Variants in CA8 observed in about 807,000 individuals in gnomAD.
The protein encoded by CA8 is carbonic anhydrase-related protein.
Under a neutral mutation model 41.4 loss-of-function variants are expected in CA8, and 22 were observed. The ratio of observed to expected loss-of-function variants is 0.53; its 90% CI spans 0.38 to 0.76. The LOEUF is 0.76. Ranked by LOEUF, CA8 falls within the 30% of genes least tolerant of loss-of-function variation. The pLI, the probability that CA8 is intolerant of heterozygous loss-of-function variation, is 0.00. For missense variants in CA8, 270 were observed against 352.8 expected (o/e 0.77, Z 1.88); for synonymous variants, 121 against 130.6 (o/e 0.93, Z 0.50).
intron 7 of CA8, among the ~76,000 whole-genome samples, chr8:60,221,954 C>A (rs1165526085): frequency 1.3e-5 from 2 of 152,090 alleles, no homozygotes; most frequent in Non-Finnish European, 2.9e-5. Flanking sequence ...ATGGAAGAAA[C>A]AATATAGCTC....
At chr8:60,223,940 A>AGAAATACAAGTG (rs1263375539) in intron 6 of CA8, among the ~76,000 whole-genome samples, 1 of 152,270 alleles carries the variant, frequency 6.6e-6, no homozygotes, top group Non-Finnish European at 1.5e-5. Flanking sequence ...TTATCTGTAC[A>AGAAATACAAGTG]GAAATACAAG....
intron 8 of CA8, among the ~76,000 whole-genome samples, chr8:60,192,554 T>C (rs1806160241): frequency 6.6e-6 from 1 of 152,130 alleles, no homozygotes; most frequent in South Asian, 2.1e-4. Context: ...AAAGTTTTCA[T>C]AGGATAAAGT....
intron 3 of CA8, among the ~76,000 whole-genome samples, chr8:60,242,823 C>T (rs534451396): frequency 2.0e-5 from 3 of 152,174 alleles, no homozygotes; most frequent in South Asian, 2.1e-4. Flanking sequence ...GGTTCTCTGG[C>T]GACAGAAAGG....
intron 6 of CA8, among the ~76,000 whole-genome samples, chr8:60,223,439 C>T (rs1807318132): frequency 6.6e-6 from 1 of 152,128 alleles, no homozygotes; most frequent in Non-Finnish European, 1.5e-5. Flanking sequence ...ACTATGGGTG[C>T]ACACCACCAC....
At chr8:60,272,122 G>A (rs887157777) in intron 2 of CA8, among the ~76,000 whole-genome samples, 4 of 152,064 alleles carry the variant, frequency 2.6e-5, no homozygotes, top group Non-Finnish European at 4.4e-5. Context: ...ATCTGAAACC[G>A]GGGGCTCCAT....
chr8:60,260,648 T>G (rs998958198), intron 3 of CA8, among the ~76,000 whole-genome samples: 3 of 152,242 alleles, frequency 2.0e-5, no homozygotes, highest in African/African-American at 7.2e-5. Flanking sequence ...CTGTGCAATT[T>G]GACCTTTTGA....
intron 3 of CA8, among the ~76,000 whole-genome samples, chr8:60,264,199 T>A (rs1803826355): frequency 3.3e-5 from 5 of 152,238 alleles, no homozygotes; most frequent in Admixed American, 3.3e-4. Flanking sequence ...CACAGCTCGC[T>A]AATTACGTTT....
intron 7 of CA8, among the ~76,000 whole-genome samples, chr8:60,217,795 T>A (rs1254936155): frequency 1.3e-5 from 2 of 152,210 alleles, no homozygotes; most frequent in African/African-American, 4.8e-5. Context: ...AAATCCTTCC[T>A]ATGTCATCAG....
chr8:60,238,581 C>T (rs1220481370), intron 3 of CA8, among the ~76,000 whole-genome samples: 1 of 152,138 alleles, frequency 6.6e-6, no homozygotes, highest in Non-Finnish European at 1.5e-5. Context: ...CTGGGACCCC[C>T]GTGCCTTTAT....
At chr8:60,228,222 A>G (rs564486189) in intron 4 of CA8, among the ~76,000 whole-genome samples, 1 of 152,368 alleles carries the variant, frequency 6.6e-6, no homozygotes, top group South Asian at 2.1e-4. Flanking sequence ...AAGAGTCTAC[A>G]ATTATTCCCG....
At chr8:60,214,923 G>C (rs1430326307) in intron 7 of CA8, among the ~76,000 whole-genome samples, 2 of 151,982 alleles carry the variant, frequency 1.3e-5, no homozygotes, top group Non-Finnish European at 2.9e-5. Flanking sequence ...GAAAGAGACA[G>C]GAAAAAACAG....
intron 5 of CA8, 45 bp from the exon 6 acceptor site, chr8:60,224,630 T>C (rs758637475): frequency 1.1e-5 from 13 of 1,178,902 alleles, no homozygotes; most frequent in Non-Finnish European, 8.8e-6. Context: ...GTAATATTTC[T>C]AGATTTTAGA....
At chr8:60,229,984 G>A (rs567475460) in intron 4 of CA8, among the ~76,000 whole-genome samples, 7 of 152,258 alleles carry the variant, frequency 4.6e-5, no homozygotes, top group Non-Finnish European at 7.4e-5. Context: ...ATGATCTGGG[G>A]CATCCAATCC....
At chr8:60,224,879 G>A (rs1331201637) in intron 5 of CA8, among the ~76,000 whole-genome samples, 1 of 152,048 alleles carries the variant, frequency 6.6e-6, no homozygotes, top group Non-Finnish European at 1.5e-5. Context: ...TTTCTGCTCT[G>A]AGCACATTCA....
At chr8:60,214,830 T>C (rs75958328) in intron 7 of CA8, among the ~76,000 whole-genome samples, 5,595 of 152,286 alleles carry the variant, frequency 0.037, 353 homozygotes, top group African/African-American at 0.13. Flanking sequence ...TTCAATATTC[T>C]AGAAGACGTA....
At chr8:60,222,168 G>A (rs1273123603) in intron 7 of CA8, among the ~76,000 whole-genome samples, 5 of 152,112 alleles carry the variant, frequency 3.3e-5, no homozygotes, top group African/African-American at 1.2e-4. Flanking sequence ...GCCCAAGGCC[G>A]GGGGTGGGCG....
intron 7 of CA8, among the ~76,000 whole-genome samples, chr8:60,215,117 G>C (rs1806970343): frequency 6.6e-6 from 1 of 152,064 alleles, no homozygotes; most frequent in Non-Finnish European, 1.5e-5. Context: ...TCAATTCTAA[G>C]ATTAATATGT....
Position 60,219,929 on chromosome 8 carries a change from T to TAAA in CA8, c.738+2717_738+2719dup, listed in dbSNP as rs546162939. Among the ~76,000 whole-genome samples, 609 of 81,778 alleles carry TAAA rather than the reference T, an allele frequency of 7.4e-3. 35 individuals carry two copies. Among genetic ancestry groups the TAAA allele is most frequent in the African/African-American group, 0.023 (482 of 20,940 alleles). The allele number at this position is 81,778 out of a possible 152,430, so 53.6% of individuals were successfully genotyped here. A position where few individuals can be genotyped will look rare whatever the true frequency, so the allele number is the denominator to read the frequency against. ...CTCTAGTATTTCCTAAATCTTAACT[T>TAAA]AAAAAAAAAAAAAAAAAAAAAAAAC... is the stretch of plus-strand genomic sequence containing the variant. On this transcript the variant is annotated intron_variant, in intron 7 of 8. Coordinates refer to ENST00000317995, the MANE Select transcript of CA8 (RefSeq NM_004056.6).
chr8:60,243,336 G>T (rs1196017958), intron 3 of CA8, among the ~76,000 whole-genome samples: 8 of 151,230 alleles, frequency 5.3e-5, no homozygotes, highest in South Asian at 2.1e-4. Flanking sequence ...GCACTCAAGG[G>T]TCTTTCATCC....
Sources: gnomAD v4.1 joint callset for allele counts (sites outside exome capture counted in the v4.1 genomes callset) on GRCh38, gnomAD v4.1.1 for gene constraint, MANE v1.5 for transcripts, NCBI Gene and HGNC (gene_info 2026-07-23, HGNC 2026-07-21) for gene names.